KMT2A: variants seen among roughly 807,000 people sequenced by gnomAD.
The protein encoded by KMT2A is histone-lysine N-methyltransferase 2A.
A neutral mutation model predicts 345.3 loss-of-function variants in KMT2A; 16 were observed. The ratio of observed to expected loss-of-function variants is 0.05; its 90% CI spans 0.03 to 0.07. The LOEUF is 0.07. Among genes scored for constraint, KMT2A ranks in the 10% least tolerant of loss-of-function variants. The probability of loss-of-function intolerance (pLI) is 1.00; values close to 1 mark genes in which losing one functional copy is unlikely to be tolerated. For missense variants in KMT2A, 3,272 were observed against 4,841.6 expected (o/e 0.68, Z 9.62); for synonymous variants, 1,599 against 1,778.6 (o/e 0.90, Z 2.54).
At chr11:118,516,574 T>C (rs1950819963) in intron 31 of KMT2A, among the ~76,000 whole-genome samples, 1 of 152,222 alleles carries the variant, frequency 6.6e-6, no homozygotes, top group Admixed American at 6.5e-5. Context: ...TGTCTGTCTC[T>C]TCCATGAAGT....
rs782541963 is a variant in KMT2A at position 118,495,945 on chromosome 11, T to C, written c.5557+52T>C. On this transcript the variant is annotated intron_variant, in intron 19 of 35. Transcript: ENST00000534358. The surrounding 1 kb of genome is among the most constrained non-coding windows in gnomAD (Gnocchi z 4.1). ...CCCATTTCCCTCTAGATGCAGATGATTGACTTCGTGAATCCAATTCACTAA... is the reference window on the plus strand; with the variant it reads ...CCCATTTCCCTCTAGATGCAGATGACTGACTTCGTGAATCCAATTCACTAA... The C allele has an allele frequency of 1.3e-5, 18 of 1,430,552 alleles. No homozygotes were observed. The highest frequency in any genetic ancestry group is 2.9e-5 in the African/African-American group (2 of 69,798). 88.6% of individuals were successfully genotyped at this position (1,430,552 alleles called of 1,614,324 possible). A position where few individuals can be genotyped will look rare whatever the true frequency, so the allele number is the denominator to read the frequency against.
intron 1 of KMT2A, among the ~76,000 whole-genome samples, chr11:118,456,101 G>A (rs2134213166): frequency 6.6e-6 from 1 of 152,174 alleles, no homozygotes; most frequent in African/African-American, 2.4e-5. Flanking sequence ...CCCCCAAAGT[G>A]CTAGGATTAT....
chr11:118,495,160 A>ATT lies in KMT2A; in HGVS notation c.5363+395_5363+396dup, dbSNP rs201616070. On this transcript the variant is annotated intron_variant, in intron 18 of 35. Coordinates refer to ENST00000534358, the MANE Select transcript of KMT2A (RefSeq NM_001197104.2). This position sits in a 1 kb window ranked among gnomAD's most constrained non-coding sequence, Gnocchi z 4.1. ...TCTTTTGATTTGATTTTATTTATTTATTTATTTTTTTTTTTTTGAGACGGA... is the reference window on the plus strand; with the variant it reads ...TCTTTTGATTTGATTTTATTTATTTATTTTTATTTTTTTTTTTTTGAGACGGA... Among the ~76,000 whole-genome samples the ATT allele has an allele frequency of 1.3e-5, 2 of 148,412 alleles. No individual in the cohort carries two copies. The highest frequency in any genetic ancestry group is 2.5e-5 in the African/African-American group (1 of 40,040).
chr11:118,504,284 G>A lies in KMT2A; in HGVS notation c.8392G>A (p.Asp2798Asn), dbSNP rs2134398399. 1 of 1,614,150 alleles carries A rather than the reference G, an allele frequency of 6.2e-7. No individual in the cohort carries two copies. ...AAGCAGAGTTAAAACACAGGGACAA[G>A]ATTCCTTGGAAGCTCAGCTCAGCTC... is the stretch of plus-strand genomic sequence containing the variant. Reference protein sequence around the residue: ...SVSRVKTQGQDSLEAQLSSLE... With the variant: ...SVSRVKTQGQNSLEAQLSSLE... The change falls in exon 27 of 36, where the codon GAT becomes AAT. Residue 2798 changes from aspartate to asparagine, a missense_variant. Asp to Asn is a conservative substitution (Grantham distance 23). Around this residue, in one of 27 missense-constraint regions of KMT2A, gnomAD observed 100 missense variants for 101.3 expected, o/e 0.99. Transcript: ENST00000534358. This position sits in a 1 kb window ranked among gnomAD's most constrained non-coding sequence, Gnocchi z 6.4.
At position 118,472,585 on chromosome 11, in the gene KMT2A, T is replaced by C. The variant is rs2134261820; in HGVS notation, c.1426T>C (p.Ser476Pro). 6.2e-7 allele frequency: 1 copy of C among 1,611,608 alleles called. No individual in the cohort carries two copies. The highest frequency in any genetic ancestry group is 8.5e-7 in the Non-Finnish European group (1 of 1,179,564). Residue 476 changes from serine (S) to proline (P), a missense_variant, in exon 3 of 36, where the codon TCC becomes CCC. Coordinates refer to ENST00000534358, the MANE Select transcript of KMT2A (RefSeq NM_001197104.2). ...GCACTCCTCTCAAATGTCTTCAGAC[T>C]CCTCTCGATCTAGTAGCCCCAGTGT... ...SQHSSQMSSDSSRSSSPSVDT... is the reference protein window; with the variant it reads ...SQHSSQMSSDPSRSSSPSVDT...
chr11:118,511,836 G>C, intron 30 of KMT2A, 115 bp from the exon 31 acceptor site: 1 of 813,826 alleles, frequency 1.2e-6, no homozygotes, highest in South Asian at 1.4e-5. Context: ...ACTGCTCTAG[G>C]AGGGCAAGTG....
intron 1 of KMT2A, among the ~76,000 whole-genome samples, chr11:118,457,219 A>T (rs1185411668): frequency 6.8e-6 from 1 of 146,908 alleles, no homozygotes; most frequent in African/African-American, 2.5e-5. Context: ...CTTCAAACTC[A>T]TGAAGGCATA....
chr11:118,437,007 C>A, intron 1 of KMT2A, 63 bp downstream of exon 1: 1 of 1,365,472 alleles, frequency 7.3e-7, no homozygotes, highest in Non-Finnish European at 9.5e-7. Flanking sequence ...CCTCCCCTCC[C>A]CCATCCGGGA....
intron 1 of KMT2A, among the ~76,000 whole-genome samples, chr11:118,460,474 G>A (rs1949725846): frequency 6.6e-6 from 1 of 151,942 alleles, no homozygotes; most frequent in African/African-American, 2.4e-5. Flanking sequence ...TTTTAGTGGA[G>A]ATGGGGGTCT....
chr11:118,494,557 G>A lies in KMT2A; in HGVS notation c.5290-137G>A. ...GATTCTTTGAGAGGAACTTGGTGAGGTTGCCAGAGTGGATGGATCTTTCTC... is the reference window on the plus strand; with the variant it reads ...GATTCTTTGAGAGGAACTTGGTGAGATTGCCAGAGTGGATGGATCTTTCTC... On this transcript the variant is annotated intron_variant, in intron 17 of 35. Transcript: ENST00000534358. This position sits in a 1 kb window ranked among gnomAD's most constrained non-coding sequence, Gnocchi z 5.8. 2 of 868,168 alleles carry A rather than the reference G, an allele frequency of 2.3e-6. No homozygotes were observed. Among genetic ancestry groups the A allele is most frequent in the Non-Finnish European group, 3.6e-6 (2 of 550,398 alleles). The allele number at this position is 868,168 out of a possible 1,614,324, so 53.8% of individuals were successfully genotyped here. A position where few individuals can be genotyped will look rare whatever the true frequency, so the allele number is the denominator to read the frequency against.
chr11:118,505,339 C>T lies in KMT2A; in HGVS notation c.9447C>T (p.Phe3149=), dbSNP rs782326801. The T allele has an allele frequency of 3.7e-6, 6 of 1,614,180 alleles. No homozygotes were observed. Reference sequence around the variant, plus strand: ...GCTTGCCAACTTCTCAATCTTTGTTCCCTTCTGCTAGCAAAGGATTGCTAC... The same window carrying T: ...GCTTGCCAACTTCTCAATCTTTGTTTCCTTCTGCTAGCAAAGGATTGCTAC... ...NPSLPTSQSL[F]PSASKGLLPM... is the part of the protein sequence containing the mutation. Residue 3149 remains phenylalanine, a synonymous_variant, in exon 27 of 36, where the codon TTC becomes TTT. Coordinates refer to ENST00000534358, the MANE Select transcript of KMT2A (RefSeq NM_001197104.2). The surrounding 1 kb of genome is among the most constrained non-coding windows in gnomAD (Gnocchi z 4.6).
intron 24 of KMT2A, 42 bp downstream of exon 24, chr11:118,499,955 G>C: frequency 7.6e-7 from 1 of 1,316,858 alleles, no homozygotes; most frequent in African/African-American, 1.5e-5. Flanking sequence ...CCCACAACCT[G>C]AACACACTGA....
intron 1 of KMT2A, among the ~76,000 whole-genome samples, chr11:118,454,966 C>T (rs1169827494): frequency 6.6e-6 from 1 of 151,964 alleles, no homozygotes; most frequent in South Asian, 2.1e-4. Context: ...TCTACCCTAG[C>T]GAATATAACC....
chr11:118,473,654 C>G lies in KMT2A; in HGVS notation c.2495C>G (p.Pro832Arg). Residue 832 changes from proline to arginine, a missense_variant, in exon 3 of 36, where the codon CCT (proline) becomes CGT (arginine). Physicochemically the swap from Pro to Arg is moderately radical, Grantham distance 103 (BLOSUM62 -2). Around this residue, in one of 27 missense-constraint regions of KMT2A, gnomAD observed 209 missense variants for 237.4 expected, o/e 0.88. Coordinates refer to ENST00000534358, the MANE Select transcript of KMT2A (RefSeq NM_001197104.2). This position sits in a 1 kb window ranked among gnomAD's most constrained non-coding sequence, Gnocchi z 5.2. ...GCAGAGCCATTTTCATCAAGTAGTC[C>G]TACTCCTCTCTTCCCTTGGTTTACC... Reference protein sequence around the residue: ...APAEPFSSSSPTPLFPWFTPG... With the variant: ...APAEPFSSSSRTPLFPWFTPG... 1 of 1,614,078 alleles carries G rather than the reference C, an allele frequency of 6.2e-7. No individual in the cohort carries two copies. The highest frequency in any genetic ancestry group is 8.5e-7 in the Non-Finnish European group (1 of 1,180,016).
chr11:118,446,458 C>T (rs1555027230), intron 1 of KMT2A, among the ~76,000 whole-genome samples: 1 of 152,144 alleles, frequency 6.6e-6, no homozygotes, highest in African/African-American at 2.4e-5. Context: ...AAACAGTTTT[C>T]CTTAAGTTAT....
At chr11:118,482,845 T>C (rs1950160331) in intron 8 of KMT2A, among the ~76,000 whole-genome samples, 1 of 151,948 alleles carries the variant, frequency 6.6e-6, no homozygotes, top group Non-Finnish European at 1.5e-5. Context: ...GATAGAAGGA[T>C]TGTCTTGAGC....
intron 1 of KMT2A, among the ~76,000 whole-genome samples, chr11:118,465,001 CCT>C: frequency 6.6e-6 from 1 of 152,320 alleles, no homozygotes; most frequent in South Asian, 2.1e-4. Context: ...CCTGCTCATT[CCT>C]CTCATCAAAC....
chr11:118,452,185 T>C (rs1404416487), intron 1 of KMT2A, among the ~76,000 whole-genome samples: 1 of 152,202 alleles, frequency 6.6e-6, no homozygotes, highest in East Asian at 1.9e-4. Flanking sequence ...GAGACCATAG[T>C]GCACACAACT....
At chr11:118,516,457 T>C (rs1265950357) in intron 31 of KMT2A, among the ~76,000 whole-genome samples, 1 of 151,966 alleles carries the variant, frequency 6.6e-6, no homozygotes, top group African/African-American at 2.4e-5. Flanking sequence ...ACAGTGAAAC[T>C]CTCTTAAAAA....
Sources: allele counts gnomAD v4.1 joint callset (sites outside exome capture counted in the v4.1 genomes callset), GRCh38; gene constraint gnomAD v4.1.1; regional missense constraint gnomAD v4.1.1; non-coding constraint Gnocchi (gnomAD v3.1); transcripts MANE v1.5; gene names NCBI Gene and HGNC (gene_info 2026-07-23, HGNC 2026-07-21).